The following PIK3CB variants were observed in gnomAD, a reference collection of about 807,000 sequenced individuals.
PIK3CB encodes phosphatidylinositol-4,5-bisphosphate 3-kinase catalytic subunit beta, also known as phosphatidylinositol 4,5-bisphosphate 3-kinase catalytic subunit beta isoform.
PIK3CB carries 39 observed loss-of-function variants against 136.8 expected under a neutral mutation model. The ratio of observed to expected loss-of-function variants is 0.29; its 90% CI spans 0.22 to 0.37. The LOEUF (loss-of-function observed/expected upper bound fraction) is 0.37. Among genes scored for constraint, PIK3CB ranks in the 10% least tolerant of loss-of-function variants. The probability of loss-of-function intolerance (pLI) is 1.00; values close to 1 mark genes in which losing one functional copy is unlikely to be tolerated. For missense variants in PIK3CB, 868 were observed against 1,275.4 expected, an observed-to-expected ratio of 0.68 and a Z score of 4.87; for synonymous variants, 428 against 436.6, an observed-to-expected ratio of 0.98 and a Z score of 0.25.
intron 19 of PIK3CB, among the ~76,000 whole-genome samples, chr3:138,666,668 T>C (rs961642952): frequency 2.0e-5 from 3 of 152,180 alleles, no homozygotes; most frequent in African/African-American, 7.2e-5. Flanking sequence ...TGAGATATCT[T>C]GAAAGGTTCA....
At chr3:138,809,975 A>C (rs1328928997) in intron 1 of PIK3CB, among the ~76,000 whole-genome samples, 1 of 152,116 alleles carries the variant, frequency 6.6e-6, no homozygotes, top group Non-Finnish European at 1.5e-5. Flanking sequence ...TAAGCCTTGA[A>C]TATCTTGTAG....
intron 2 of PIK3CB, among the ~76,000 whole-genome samples, chr3:138,767,736 C>T (rs1382331968): frequency 6.6e-6 from 1 of 152,184 alleles, no homozygotes; most frequent in Admixed American, 6.5e-5. Flanking sequence ...CCAGCTCTCC[C>T]TGAGGCTACG....
intron 19 of PIK3CB, among the ~76,000 whole-genome samples, chr3:138,680,039 A>C (rs2043734761): frequency 6.6e-6 from 1 of 151,952 alleles, no homozygotes; most frequent in Non-Finnish European, 1.5e-5. Flanking sequence ...GCAAATCTCT[A>C]ATAATAACTG....
At chr3:138,754,956 TG>T (rs1171833344) in intron 4 of PIK3CB, among the ~76,000 whole-genome samples, 1 of 152,160 alleles carries the variant, frequency 6.6e-6, no homozygotes, top group African/African-American at 2.4e-5. Flanking sequence ...AGCAAGATAT[TG>T]ATAAAACATT....
Position 138,655,111 on chromosome 3 carries a change from A to T in PIK3CB, c.*278T>A. On this transcript the variant is annotated 3_prime_UTR_variant, in exon 24 of 24. Coordinates refer to ENST00000674063, the MANE Select transcript of PIK3CB (RefSeq NM_006219.3). ...TTAGAAAAAACAAACAAAAACGGAAACAATCCCTAGTAGCATTCCTTGGCG... is the reference window on the plus strand; with the variant it reads ...TTAGAAAAAACAAACAAAAACGGAATCAATCCCTAGTAGCATTCCTTGGCG... 1 of 383,532 alleles carries T rather than the reference A, an allele frequency of 2.6e-6. No individual in the cohort carries two copies. The highest frequency in any genetic ancestry group is 4.1e-5 in the Admixed American group (1 of 24,114). The allele number at this position is 383,532 out of a possible 1,614,324, so 23.8% of individuals were successfully genotyped here. A position where few individuals can be genotyped will look rare whatever the true frequency, so the allele number is the denominator to read the frequency against.
intron 2 of PIK3CB, among the ~76,000 whole-genome samples, chr3:138,788,997 A>AAAAAAAAAC (rs1559879235): frequency 7.3e-5 from 11 of 150,188 alleles, no homozygotes; most frequent in African/African-American, 2.7e-4. Context: ...AAAAAACAAA[A>AAAAAAAAAC]AACAACACCA....
Position 138,769,221 on chromosome 3 carries a change from G to A in PIK3CB, c.-16-9862C>T, listed in dbSNP as rs559368391. Among the ~76,000 whole-genome samples the A allele has an allele frequency of 7.2e-5, 11 of 152,296 alleles. No homozygotes were observed. The East Asian group carries it at 1.3e-3, about 19-fold the overall frequency. ...CAGCAGCTGTTCTAGACGGTCCACC[G>A]CTGCCATCACTACTATTTCTCAAAG... On this transcript the variant is annotated intron_variant, in intron 2 of 23. Transcript: ENST00000674063.
At chr3:138,766,540 C>G (rs2045735020) in intron 2 of PIK3CB, among the ~76,000 whole-genome samples, 1 of 152,088 alleles carries the variant, frequency 6.6e-6, no homozygotes, top group Non-Finnish European at 1.5e-5. Context: ...GTTGCCCATG[C>G]TTAAAAATAG....
chr3:138,714,906 A>T (rs1182504731), intron 8 of PIK3CB, among the ~76,000 whole-genome samples, 187 bp from the exon 9 acceptor site: 1 of 152,224 alleles, frequency 6.6e-6, no homozygotes, highest in Admixed American at 6.5e-5. Context: ...ACTAGAGTGT[A>T]ATTAACCAGT....
At chr3:138,732,724 A>AG (rs1027710370) in intron 8 of PIK3CB, among the ~76,000 whole-genome samples, 5 of 151,156 alleles carry the variant, frequency 3.3e-5, no homozygotes, top group African/African-American at 7.3e-5. Flanking sequence ...AGAAAAGAAA[A>AG]AAAAAAAAAA....
intron 22 of PIK3CB, chr3:138,657,465 G>A (rs778982578): frequency 5.0e-5 from 23 of 464,466 alleles, no homozygotes; most frequent in Non-Finnish European, 8.7e-5. Flanking sequence ...TATATTATTG[G>A]AATAAAATAT....
chr3:138,714,461 T>G lies in PIK3CB; in HGVS notation c.1302+7A>C. On this transcript the variant is annotated splice_region_variant and intron_variant, in intron 9 of 23. Coordinates refer to ENST00000674063, the MANE Select transcript of PIK3CB (RefSeq NM_006219.3). ...AAAACAATCCTCAGAAGTTGGTATA[T>G]CATTACCACTTTTCCAGCTTTCCTG... The G allele has an allele frequency of 6.3e-7, 1 of 1,588,764 alleles. No homozygotes were observed. Among genetic ancestry groups the G allele is most frequent in the Non-Finnish European group, 8.6e-7 (1 of 1,161,192 alleles).
At chr3:138,702,104 A>T (rs2044267458) in intron 12 of PIK3CB, among the ~76,000 whole-genome samples, 1 of 144,004 alleles carries the variant, frequency 6.9e-6, no homozygotes, top group Non-Finnish European at 1.5e-5. Context: ...TTGGTTTACA[A>T]TTTTTTTTTT....
In PIK3CB at chr3:138,684,786, C is replaced by G. The variant is rs765496102; in HGVS notation, c.2154G>C (p.Lys718Asn). Residue 718 changes from lysine (K) to asparagine (N), a missense_variant, in exon 17 of 24, where the codon AAG becomes AAC. Coordinates refer to ENST00000674063, the MANE Select transcript of PIK3CB (RefSeq NM_006219.3). Reference sequence around the variant, plus strand: ...TGATTAAACTATTTAAAGTTTTTAACTTATTGAGTGCTTCAACCTGAAAAA... The same window carrying G: ...TGATTAAACTATTTAAAGTTTTTAAGTTATTGAGTGCTTCAACCTGAAAAA... ...VLSKQVEALN[K>N]LKTLNSLIKL... is the part of the protein sequence containing the mutation. The G allele has an allele frequency of 2.5e-6, 4 of 1,611,794 alleles. No homozygotes were observed. The highest frequency in any genetic ancestry group is 3.4e-6 in the Non-Finnish European group (4 of 1,179,228).
chr3:138,655,901 G>A (rs1047189008), intron 23 of PIK3CB, among the ~76,000 whole-genome samples: 1 of 152,162 alleles, frequency 6.6e-6, no homozygotes, highest in Admixed American at 6.5e-5. Context: ...GAGTAAGAAG[G>A]CTACAGCCCA....
chr3:138,767,787 C>T (rs1014612226), intron 2 of PIK3CB, among the ~76,000 whole-genome samples: 3 of 152,188 alleles, frequency 2.0e-5, no homozygotes, highest in Non-Finnish European at 2.9e-5. Context: ...ACAGCTGGCA[C>T]TGGGGGACAT....
intron 4 of PIK3CB, among the ~76,000 whole-genome samples, chr3:138,753,811 G>GA (rs750270140): frequency 9.3e-5 from 14 of 150,688 alleles, no homozygotes; most frequent in East Asian, 3.9e-4. Context: ...ATTTAAAAAA[G>GA]AAAAAAAAAT....
chr3:138,713,011 G>C (rs2044536675), intron 9 of PIK3CB, among the ~76,000 whole-genome samples: 1 of 152,102 alleles, frequency 6.6e-6, no homozygotes, highest in African/African-American at 2.4e-5. Flanking sequence ...GAGGCATTGA[G>C]CTGATAGGAC....
chr3:138,709,605 C>T (rs900403100), intron 10 of PIK3CB, among the ~76,000 whole-genome samples: 2 of 152,170 alleles, frequency 1.3e-5, no homozygotes, highest in South Asian at 4.1e-4. Context: ...TCTTGTTTGC[C>T]CCTACTGGGT....
Sources: gnomAD v4.1 joint callset for allele counts (sites outside exome capture counted in the v4.1 genomes callset) on GRCh38, gnomAD v4.1.1 for gene constraint, MANE v1.5 for transcripts, NCBI Gene and HGNC (gene_info 2026-07-23, HGNC 2026-07-21) for gene names.